The following COQ5 variants were observed in gnomAD, a reference collection of about 807,000 sequenced individuals.
The protein encoded by COQ5 is coenzyme Q5, methyltransferase, also known as 2-methoxy-6-polyprenyl-1,4-benzoquinol methylase, mitochondrial.
Under a neutral mutation model 40.5 loss-of-function variants are expected in COQ5, and 27 were observed. The ratio of observed to expected loss-of-function variants is 0.67; its 90% CI spans 0.49 to 0.92. The LOEUF is 0.92. Ranked by LOEUF, COQ5 falls within the 40% of genes least tolerant of loss-of-function variation. The pLI, the probability that COQ5 is intolerant of heterozygous loss-of-function variation, is 0.00. For synonymous variants in COQ5, 141 were observed against 150.0 expected, an observed-to-expected ratio of 0.94 and a Z score of 0.44; for missense variants, 409 against 406.4, an observed-to-expected ratio of 1.01 and a Z score of -0.06.
rs1315685171 is a variant in COQ5, at chr12:120,503,746, A to AGG, written c.*36_*37dup. 6.8e-7 allele frequency: 1 copy of AGG among 1,472,992 alleles called. No individual in the cohort carries two copies. The allele number at this position is 1,472,992 out of a possible 1,614,324, so 91.2% of individuals were successfully genotyped here. A position where few individuals can be genotyped will look rare whatever the true frequency, so the allele number is the denominator to read the frequency against. On this transcript the variant is annotated 3_prime_UTR_variant, in exon 7 of 7. Coordinates refer to ENST00000288532, the MANE Select transcript of COQ5 (RefSeq NM_032314.4). ...TATCCTTCAGTTCCAGGCTTTCAAC[A>AGG]GGATATGACTGGTTCATGCTCCATG...
intron 5 of COQ5, among the ~76,000 whole-genome samples, chr12:120,504,318 G>T (rs1868781450): frequency 6.6e-6 from 1 of 151,926 alleles, no homozygotes; most frequent in African/African-American, 2.4e-5. Context: ...TGTGGCATGT[G>T]GGGAGATAGG....
Position 120,516,607 on chromosome 12 carries a change from C to T in COQ5, c.534G>A (p.Lys178=). 1 of 1,614,184 alleles carries T rather than the reference C, an allele frequency of 6.2e-7. No individual in the cohort carries two copies. The highest frequency in any genetic ancestry group is 8.5e-7 in the Non-Finnish European group (1 of 1,180,018). ...GAGCCAAGGCTTTCTGCTTTCCAAC[C>T]TTTAGCATCTCCTTGTTGATGTCAC... The part of the protein sequence containing the change: ...VVCDINKEML[K]VGKQKALAQG... The change falls in exon 3 of 7, where the codon AAG becomes AAA. Residue 178 remains lysine, a synonymous_variant. Transcript: ENST00000288532.
chr12:120,522,125 T>G, intron 2 of COQ5, 89 bp downstream of exon 2: 1 of 1,375,600 alleles, frequency 7.3e-7, no homozygotes, highest in South Asian at 1.2e-5. Context: ...ATCTTCCGCC[T>G]CGTGTTAGGT....
rs3742049 is a variant in COQ5 at position 120,516,687 on chromosome 12, C to T, written c.454G>A (p.Ala152Thr). The T allele has an allele frequency of 0.11, 183,456 of 1,613,768 alleles. 11,549 individuals are homozygous for T. The highest frequency in any genetic ancestry group is 0.25 in the African/African-American group (18,612 of 74,918). The change falls in exon 3 of 7, where the codon GCC becomes ACC. Residue 152 changes from alanine (A) to threonine (T), a missense_variant. Ala to Thr is a moderately conservative substitution (Grantham distance 58, BLOSUM62 0). Transcript: ENST00000288532. ...AQQNLSWEEI[A>T]KEYQNEEDSL... is the part of the protein sequence containing the mutation. ...TCTTCTTCATTCTGGTACTCTTTGGCAATTTCTTCCCAGGATAAATTTTGT... is the reference window on the plus strand; with the variant it reads ...TCTTCTTCATTCTGGTACTCTTTGGTAATTTCTTCCCAGGATAAATTTTGT...
At chr12:120,515,988 A>G (rs1460741768) in intron 3 of COQ5, among the ~76,000 whole-genome samples, 1 of 152,142 alleles carries the variant, frequency 6.6e-6, no homozygotes, top group Non-Finnish European at 1.5e-5. Flanking sequence ...CAGAGGTGCA[A>G]TCATAGCTCA....
Position 120,511,247 on chromosome 12 carries a change from ACT to A in COQ5, c.575-1126_575-1125del, listed in dbSNP as rs1407611238. On this transcript the variant is annotated intron_variant, in intron 3 of 6. Transcript: ENST00000288532. Reference sequence around the variant, plus strand: ...ACTCCAGCCTGGGTGACAGAGCGAGACTCTGTCTCAAAAAAAAAAAAAAAAGA... The same window carrying A: ...ACTCCAGCCTGGGTGACAGAGCGAGACTGTCTCAAAAAAAAAAAAAAAAGA... Among the ~76,000 whole-genome samples, 8 of 134,190 alleles carry A rather than the reference ACT, an allele frequency of 6.0e-5. No homozygotes were observed. In the East Asian group the frequency reaches 1.7e-3, roughly 29 times the overall value. The allele number at this position is 134,190 out of a possible 152,430, so 88.0% of individuals were successfully genotyped here.
chr12:120,515,007 G>T (rs1363370834), intron 3 of COQ5, among the ~76,000 whole-genome samples: 1 of 151,932 alleles, frequency 6.6e-6, no homozygotes, highest in Non-Finnish European at 1.5e-5. Flanking sequence ...GGTCAGGCTG[G>T]TCTCGAACTC....
chr12:120,515,731 C>G (rs1252796529), intron 3 of COQ5, among the ~76,000 whole-genome samples: 1 of 152,132 alleles, frequency 6.6e-6, no homozygotes, highest in African/African-American at 2.4e-5. Flanking sequence ...AGAACAAAGG[C>G]TGGCTGTTAA....
chr12:120,515,471 C>T (rs1045422661), intron 3 of COQ5, among the ~76,000 whole-genome samples: 1 of 152,194 alleles, frequency 6.6e-6, no homozygotes, highest in African/African-American at 2.4e-5. Context: ...CAGTCATCTG[C>T]CTATCTGCTG....
chr12:120,512,385 G>A (rs1029658036), intron 3 of COQ5, among the ~76,000 whole-genome samples: 1 of 151,886 alleles, frequency 6.6e-6, no homozygotes, highest in Admixed American at 6.6e-5. Context: ...GGTGGATCAC[G>A]AGGTCAAGAG....
intron 3 of COQ5, among the ~76,000 whole-genome samples, chr12:120,515,077 G>A (rs1194737961): frequency 6.6e-6 from 1 of 151,706 alleles, no homozygotes; most frequent in Non-Finnish European, 1.5e-5. Context: ...ACAGGCGTGA[G>A]CCACCACGCC....
intron 4 of COQ5, among the ~76,000 whole-genome samples, chr12:120,508,607 T>A (rs1241495768): frequency 6.6e-6 from 1 of 152,172 alleles, no homozygotes; most frequent in Non-Finnish European, 1.5e-5. Context: ...CAAAACATCT[T>A]GACAAAGATA....
At chr12:120,513,669 A>C (rs1191993175) in intron 3 of COQ5, among the ~76,000 whole-genome samples, 2 of 150,954 alleles carry the variant, frequency 1.3e-5, no homozygotes, top group Non-Finnish European at 3.0e-5. Flanking sequence ...ACAGGCGCGC[A>C]CCACCACGCC....
In COQ5 at chr12:120,503,335, C is replaced by A. The variant is rs1868716507; in HGVS notation, c.*449G>T. On this transcript the variant is annotated 3_prime_UTR_variant, in exon 7 of 7. Coordinates refer to ENST00000288532, the MANE Select transcript of COQ5 (RefSeq NM_032314.4). ...CACAATTCTCATGATCATTAATACTCTGACTTGGGCCTAGACTTCGTCCTA... is the reference window on the plus strand; with the variant it reads ...CACAATTCTCATGATCATTAATACTATGACTTGGGCCTAGACTTCGTCCTA... The A allele has an allele frequency of 2.9e-6, 1 of 348,506 alleles. No individual in the cohort carries two copies. The highest frequency in any genetic ancestry group is 2.1e-5 in the African/African-American group (1 of 46,652). The allele number at this position is 348,506 out of a possible 1,614,324, so 21.6% of individuals were successfully genotyped here.
rs7471 is a variant in COQ5 at position 120,503,412 on chromosome 12, T to C, written c.*372A>G. 108,655 of 375,348 alleles carry C rather than the reference T, an allele frequency of 0.29. 17,247 individuals carry two copies. The highest frequency in any genetic ancestry group is 0.5 in the East Asian group (7,050 of 14,122). The allele number at this position is 375,348 out of a possible 1,614,324, so 23.3% of individuals were successfully genotyped here. A position where few individuals can be genotyped will look rare whatever the true frequency, so the allele number is the denominator to read the frequency against. ...TAAATTTTCTGGTTAAAAATTGTCA[T>C]TGGGTTCAAATGATCTATCATCCCT... On this transcript the variant is annotated 3_prime_UTR_variant, in exon 7 of 7. Coordinates refer to ENST00000288532, the MANE Select transcript of COQ5 (RefSeq NM_032314.4).
rs759695910 is a variant in COQ5, at chr12:120,510,234, T to A, written c.575-111A>T. 6.2e-4 allele frequency: 499 copies of A among 801,608 alleles called. 7 individuals carry two copies. Among genetic ancestry groups the A allele is most frequent in the Non-Finnish European group, 1.3e-4 (59 of 454,684 alleles). The allele number at this position is 801,608 out of a possible 1,614,324, so 49.7% of individuals were successfully genotyped here. ...CTGGAGAGCCCAAGTCCTGGGTGGT[T>A]AGGCTGCCTGGATTCTAATCCCAGC... On this transcript the variant is annotated intron_variant, in intron 3 of 6. Coordinates refer to ENST00000288532, the MANE Select transcript of COQ5 (RefSeq NM_032314.4).
At chr12:120,513,730 G>A (rs549073746) in intron 3 of COQ5, among the ~76,000 whole-genome samples, 254 of 152,004 alleles carry the variant, frequency 1.7e-3, no homozygotes, top group African/African-American at 5.9e-3. Context: ...ATGTTGACCA[G>A]GCTGGTCTCA....
At chr12:120,504,834 C>T in intron 5 of COQ5, 61 bp downstream of exon 5, 1 of 1,388,446 alleles carries the variant, frequency 7.2e-7, no homozygotes, top group South Asian at 1.2e-5. Context: ...ATTTTCAATC[C>T]ATTTCGGGGT....
intron 2 of COQ5, among the ~76,000 whole-genome samples, 181 bp downstream of exon 2, chr12:120,522,033 C>T (rs529880743): frequency 6.6e-6 from 1 of 152,188 alleles, no homozygotes; most frequent in African/African-American, 2.4e-5. Flanking sequence ...AACTGTTATT[C>T]TATGCTTTTG....
Sources: allele counts gnomAD v4.1 joint callset (sites outside exome capture counted in the v4.1 genomes callset), GRCh38; gene constraint gnomAD v4.1.1; transcripts MANE v1.5; gene names NCBI Gene and HGNC (gene_info 2026-07-23, HGNC 2026-07-21).